The following CLGN variants were observed in gnomAD, a reference collection of about 807,000 sequenced individuals.
CLGN encodes the protein testis tissue sperm-binding protein Li 79P.
A neutral mutation model predicts 79.1 loss-of-function variants in CLGN; 62 were observed. The observed-to-expected ratio is 0.78, with a 90% CI of 0.64 to 0.97. CLGN has a LOEUF of 0.97. Ranked by LOEUF, CLGN falls within the 50% of genes least tolerant of loss-of-function variation. The pLI is 0.00. For missense variants in CLGN, 647 were observed against 715.5 expected, an observed-to-expected ratio of 0.90 and a Z score of 1.09; for synonymous variants, 225 against 224.7, an observed-to-expected ratio of 1.00 and a Z score of -0.01.
chr4:140,400,402 G>A lies in CLGN; in HGVS notation c.649C>T (p.Leu217Phe). 3 of 1,612,888 alleles carry A rather than the reference G, an allele frequency of 1.9e-6. No individual in the cohort carries two copies. Among genetic ancestry groups the A allele is most frequent in the Non-Finnish European group, 2.5e-6 (3 of 1,179,356 alleles). Residue 217 changes from leucine (L) to phenylalanine (F), a missense_variant, in exon 7 of 15, where the codon CTT becomes TTT. Coordinates refer to ENST00000325617, the MANE Select transcript of CLGN (RefSeq NM_004362.3). ...TTCCTGTCTGTAAAGAACTTTTTAA[G>A]GTCTACATCTGGAGGTTTGGCATGT... is the stretch of plus-strand genomic sequence containing the variant. ...EKHAKPPDVD[L>F]KKFFTDRKTH...
chr4:140,392,596 C>A lies in CLGN; in HGVS notation c.1481G>T (p.Arg494Ile). Reference protein sequence around the residue: ...IALITSFCWPRKVKKKHKDTE... With the variant: ...IALITSFCWPIKVKKKHKDTE... ...ATCCATTTTCTTTACCTTTACTTTT[C>A]TTGGCCAACAAAATGAAGTAATTAA... Residue 494 changes from arginine to isoleucine, a missense_variant, in exon 12 of 15, where the codon AGA (arginine) becomes ATA (isoleucine). Physicochemically the swap from Arg to Ile is moderately conservative, Grantham distance 97. Transcript: ENST00000325617. 6.3e-7 allele frequency: 1 copy of A among 1,595,750 alleles called. No individual in the cohort carries two copies. Among genetic ancestry groups the A allele is most frequent in the Non-Finnish European group, 8.5e-7 (1 of 1,174,866 alleles).
At chr4:140,413,525 G>A (rs1347898830) in intron 1 of CLGN, among the ~76,000 whole-genome samples, 3 of 152,248 alleles carry the variant, frequency 2.0e-5, no homozygotes, top group Non-Finnish European at 2.9e-5. Context: ...GAAGCAGGGC[G>A]AGGCATTGCC....
intron 14 of CLGN, among the ~76,000 whole-genome samples, chr4:140,389,891 C>T (rs1728740835): frequency 1.3e-5 from 2 of 151,770 alleles, no homozygotes; most frequent in African/African-American, 4.8e-5. Context: ...GCAGGCAGAA[C>T]TGTACTTTTA....
chr4:140,409,135 G>T (rs1729165780), intron 4 of CLGN, among the ~76,000 whole-genome samples: 1 of 151,852 alleles, frequency 6.6e-6, no homozygotes. Flanking sequence ...TGAGTGCAGG[G>T]CCACATGTTT....
chr4:140,409,935 T>C (rs1729180379), intron 3 of CLGN, 40 bp from the exon 4 acceptor site: 4 of 1,389,474 alleles, frequency 2.9e-6, no homozygotes, highest in Admixed American at 1.9e-5. Context: ...TCATTGACAA[T>C]AAAAGCAGCA....
chr4:140,406,146 C>T (rs941105468), intron 4 of CLGN, 63 bp from the exon 5 acceptor site: 3 of 1,506,374 alleles, frequency 2.0e-6, no homozygotes, highest in South Asian at 2.4e-5. Context: ...AATTATTTAT[C>T]AGCAGTTGTG....
intron 1 of CLGN, among the ~76,000 whole-genome samples, chr4:140,419,466 AT>A (rs1400225564): frequency 6.6e-6 from 1 of 152,150 alleles, no homozygotes; most frequent in African/African-American, 2.4e-5. Context: ...TTTTATTATA[AT>A]GTTGCTTAAG....
rs760121978 is a variant in CLGN, at chr4:140,402,099, T to C, written c.420-33A>G. ...AAGGGAAAAAGAACCGTACTACTGA[T>C]AAATAAAATTTACTAGTTGCTCTTT... is the stretch of plus-strand genomic sequence containing the variant. On this transcript the variant is annotated intron_variant, in intron 5 of 14. Transcript: ENST00000325617. The C allele has an allele frequency of 2.7e-6, 3 of 1,120,304 alleles. No individual in the cohort carries two copies. The South Asian group carries it at 4.5e-5, about 17-fold the overall frequency. 69.4% of individuals were successfully genotyped at this position (1,120,304 alleles called of 1,614,324 possible).
intron 1 of CLGN, among the ~76,000 whole-genome samples, chr4:140,420,916 T>G (rs1398435953): frequency 6.6e-6 from 1 of 152,166 alleles, no homozygotes; most frequent in African/African-American, 2.4e-5. Context: ...ACTTTCTTCA[T>G]GCTCTAAAAC....
chr4:140,410,606 T>G lies in CLGN; in HGVS notation c.165A>C (p.Gln55His), dbSNP rs1412065426. 2 of 1,594,546 alleles carry G rather than the reference T, an allele frequency of 1.3e-6. No homozygotes were observed. Among genetic ancestry groups the G allele is most frequent in the African/African-American group, 2.7e-5 (2 of 74,494 alleles). Residue 55 changes from glutamine to histidine, a missense_variant, in exon 3 of 15, where the codon CAA becomes CAC. Coordinates refer to ENST00000325617, the MANE Select transcript of CLGN (RefSeq NM_004362.3). ...CTGCAAAATATACTTCTCCTATAGG[T>G]TGAGGTGTCTTATATTTAATCTAGA... ...LSSEIKYKTP[Q>H]PIGEVYFAET... is the part of the protein sequence containing the mutation.
At chr4:140,410,251 G>A (rs1729185107) in intron 3 of CLGN, among the ~76,000 whole-genome samples, 1 of 151,828 alleles carries the variant, frequency 6.6e-6, no homozygotes, top group African/African-American at 2.4e-5. Flanking sequence ...ATTATTTAGA[G>A]TAGAGCAGTA....
chr4:140,413,389 C>A (rs1470028384), intron 1 of CLGN, among the ~76,000 whole-genome samples: 1 of 152,210 alleles, frequency 6.6e-6, no homozygotes, highest in Admixed American at 6.5e-5. Flanking sequence ...CCGTCTACAG[C>A]TCCCAGTGTG....
intron 10 of CLGN, 145 bp downstream of exon 10, chr4:140,395,674 T>C: frequency 1.9e-6 from 1 of 539,364 alleles, no homozygotes; most frequent in Non-Finnish European, 2.9e-6. Context: ...ACTTTTAAAA[T>C]ATAAATTAGT....
intron 11 of CLGN, 60 bp from the exon 12 acceptor site, chr4:140,392,771 A>C (rs1728799951): frequency 6.9e-7 from 1 of 1,452,686 alleles, no homozygotes; most frequent in African/African-American, 1.5e-5. Context: ...ACTGGGTAAC[A>C]CAAGATACAA....
At chr4:140,395,482 C>T (rs1038606147) in intron 10 of CLGN, among the ~76,000 whole-genome samples, 1 of 152,084 alleles carries the variant, frequency 6.6e-6, no homozygotes, top group African/African-American at 2.4e-5. Flanking sequence ...ATAATAAGTA[C>T]ATTAATTAAG....
At position 140,412,945 on chromosome 4, in the gene CLGN, A is replaced by C. The variant is rs1197198677; in HGVS notation, c.134T>G (p.Leu45Arg). 2.5e-6 allele frequency: 4 copies of C among 1,613,246 alleles called. No individual in the cohort carries two copies. Among genetic ancestry groups the C allele is most frequent in the Non-Finnish European group, 3.4e-6 (4 of 1,179,506 alleles). The change falls in exon 2 of 15, where the codon CTT becomes CGT. Residue 45 changes from leucine to arginine, a missense_variant. Leu to Arg is a moderately radical substitution (Grantham distance 102). Coordinates refer to ENST00000325617, the MANE Select transcript of CLGN (RefSeq NM_004362.3). Reference protein sequence around the residue: ...SEEIDVNESELSSEIKYKTPQ... With the variant: ...SEEIDVNESERSSEIKYKTPQ... Reference sequence around the variant, plus strand: ...TCTCAATAACCATACCTCTGAGGAAAGTTCACTTTCATTAACATCAATTTC... The same window carrying C: ...TCTCAATAACCATACCTCTGAGGAACGTTCACTTTCATTAACATCAATTTC...
chr4:140,420,439 C>T (rs770929388), intron 1 of CLGN, among the ~76,000 whole-genome samples: 17 of 151,934 alleles, frequency 1.1e-4, no homozygotes, highest in Non-Finnish European at 1.9e-4. Flanking sequence ...ACATGAATAG[C>T]GTAGGTACTA....
intron 13 of CLGN, 75 bp from the exon 14 acceptor site, chr4:140,390,803 A>C (rs937310465): frequency 1.1e-6 from 1 of 900,176 alleles, no homozygotes; most frequent in Non-Finnish European, 1.6e-6. Flanking sequence ...TAAATACAAT[A>C]AATGGGATTT....
At chr4:140,422,845 A>C (rs1729496626) in intron 1 of CLGN, among the ~76,000 whole-genome samples, 1 of 152,004 alleles carries the variant, frequency 6.6e-6, no homozygotes, top group Non-Finnish European at 1.5e-5. Flanking sequence ...TTAAACTCCT[A>C]GACTCAACTG....
Sources: gnomAD v4.1 joint callset for allele counts (sites outside exome capture counted in the v4.1 genomes callset) on GRCh38, gnomAD v4.1.1 for gene constraint, MANE v1.5 for transcripts, NCBI Gene and HGNC (gene_info 2026-07-23, HGNC 2026-07-21) for gene names.